Variants in TNFAIP8L3 observed in about 807,000 individuals in gnomAD.
The protein encoded by TNFAIP8L3 is tumor necrosis factor alpha-induced protein 8-like protein 3.
In TNFAIP8L3, 7 loss-of-function variants were observed where a neutral mutation model predicts 11.8. The observed-to-expected ratio is 0.59, with a 90% CI of 0.34 to 1.11. TNFAIP8L3 has a LOEUF of 1.11. Among genes scored for constraint, TNFAIP8L3 ranks in the 50% most tolerant of loss-of-function variants. The probability of loss-of-function intolerance (pLI) is 0.03; values close to 1 mark genes in which losing one functional copy is unlikely to be tolerated. For missense variants in TNFAIP8L3, 219 were observed against 258.6 expected (o/e 0.85, Z 1.05); for synonymous variants, 98 against 103.8 (o/e 0.94, Z 0.34).
intron 1 of TNFAIP8L3, among the ~76,000 whole-genome samples, chr15:51,078,683 G>C (rs905681625): frequency 6.6e-6 from 1 of 151,700 alleles, no homozygotes; most frequent in Admixed American, 6.6e-5. Flanking sequence ...ATTTCTCTCA[G>C]CTCCTTTCTC....
chr15:51,083,934 G>T (rs887362178), intron 1 of TNFAIP8L3, among the ~76,000 whole-genome samples: 1 of 152,266 alleles, frequency 6.6e-6, no homozygotes, highest in Non-Finnish European at 1.5e-5. Context: ...GCAGGAGGAT[G>T]AGCTGGGGAA....
chr15:51,060,672 G>C (rs138560357), intron 1 of TNFAIP8L3, among the ~76,000 whole-genome samples: 1 of 152,186 alleles, frequency 6.6e-6, no homozygotes, highest in Non-Finnish European at 1.5e-5. Context: ...AGGGAGTGCT[G>C]GTTCTGTGTC....
At chr15:51,090,010 C>T (rs929141906) in intron 1 of TNFAIP8L3, among the ~76,000 whole-genome samples, 14 of 152,188 alleles carry the variant, frequency 9.2e-5, no homozygotes, top group African/African-American at 2.7e-4. Flanking sequence ...CAATGAGAAT[C>T]AACAAACCCT....
rs1007008975 is a variant in TNFAIP8L3, at chr15:51,057,398, C to T, written c.*483G>A. On this transcript the variant is annotated 3_prime_UTR_variant, in exon 2 of 2. Coordinates refer to ENST00000637513, the MANE Select transcript of TNFAIP8L3 (RefSeq NM_001311175.2). The stretch of plus-strand genomic sequence containing the variant: ...GGTTTATCCCCTCACACTCAGAAGA[C>T]AAAATATTAAGACTTTAAATTAGAG... 6.5e-6 allele frequency: 1 copy of T among 154,232 alleles called. No individual in the cohort carries two copies. The highest frequency in any genetic ancestry group is 1.4e-5 in the Non-Finnish European group (1 of 69,390). 9.6% of individuals were successfully genotyped at this position (154,232 alleles called of 1,614,324 possible).
chr15:51,069,393 AGGAT>A (rs1174789845), intron 1 of TNFAIP8L3: 1 of 152,258 alleles, frequency 6.6e-6, no homozygotes. Context: ...CAGTCAAAAC[AGGAT>A]GCAATTTCAG....
upstream of TNFAIP8L3, among the ~76,000 whole-genome samples, chr15:51,099,258 C>G (rs575148897): frequency 2.0e-5 from 3 of 152,240 alleles, no homozygotes; most frequent in Non-Finnish European, 4.4e-5. Context: ...CTCTGCACAG[C>G]CCCATCCAAG....
At chr15:51,095,761 A>G (rs565879576), upstream of TNFAIP8L3, among the ~76,000 whole-genome samples, 2 of 152,252 alleles carry the variant, frequency 1.3e-5, no homozygotes, top group African/African-American at 4.8e-5. Flanking sequence ...TTGGTTATCT[A>G]TATGCTCTTA....
At chr15:51,087,244 T>C (rs2065435835) in intron 1 of TNFAIP8L3, among the ~76,000 whole-genome samples, 1 of 152,172 alleles carries the variant, frequency 6.6e-6, no homozygotes, top group African/African-American at 2.4e-5. Flanking sequence ...TTCTCAGTCT[T>C]ATCCAAAGGA....
rs1272194154 is a variant in TNFAIP8L3, at chr15:51,094,041, C to T, written c.52+503G>A. On this transcript the variant is annotated intron_variant, in intron 1 of 1. Coordinates refer to ENST00000637513, the MANE Select transcript of TNFAIP8L3 (RefSeq NM_001311175.2). The surrounding 1 kb of genome is among the most constrained non-coding windows in gnomAD (Gnocchi z 4.4). ...CCCTGTGCATGGGCTCTCCTAGCAG[C>T]CTCGGGAACCGCGGCCGCAAGCTGT... 3.3e-5 allele frequency among the ~76,000 whole-genome samples: 5 copies of T among 152,114 alleles called. No individual in the cohort carries two copies. Among genetic ancestry groups the T allele is most frequent in the Non-Finnish European group, 7.4e-5 (5 of 68,016 alleles).
At chr15:51,061,255 C>G (rs1234454022) in intron 1 of TNFAIP8L3, among the ~76,000 whole-genome samples, 2 of 152,228 alleles carry the variant, frequency 1.3e-5, no homozygotes, top group Non-Finnish European at 2.9e-5. Flanking sequence ...ATCCTCCTGT[C>G]TCAGCCCCAA....
chr15:51,072,139 C>T (rs1490961056), intron 1 of TNFAIP8L3, among the ~76,000 whole-genome samples: 1 of 148,806 alleles, frequency 6.7e-6, no homozygotes, highest in African/African-American at 2.4e-5. Flanking sequence ...TTTAATCATA[C>T]AGAAAGCTAT....
chr15:51,098,763 C>A (rs2065530471), upstream of TNFAIP8L3, among the ~76,000 whole-genome samples: 1 of 152,164 alleles, frequency 6.6e-6, no homozygotes, highest in Non-Finnish European at 1.5e-5. Context: ...GTACAGTATT[C>A]TGCTTTTGTA....
intron 1 of TNFAIP8L3, among the ~76,000 whole-genome samples, chr15:51,093,699 G>T (rs1254978493): frequency 6.6e-6 from 1 of 152,144 alleles, no homozygotes; most frequent in Non-Finnish European, 1.5e-5. Context: ...GAGGGCGAGC[G>T]GGTCCTAGGT....
chr15:51,092,611 CAAAT>C (rs1367529552), intron 1 of TNFAIP8L3, among the ~76,000 whole-genome samples: 1 of 152,204 alleles, frequency 6.6e-6, no homozygotes, highest in Non-Finnish European at 1.5e-5. Flanking sequence ...AAGGTGCAAA[CAAAT>C]AGTGACAGCT....
intron 1 of TNFAIP8L3, among the ~76,000 whole-genome samples, chr15:51,077,087 CTTTCCTTATCTGTGA>C (rs2065357478): frequency 6.6e-6 from 1 of 152,198 alleles, no homozygotes; most frequent in African/African-American, 2.4e-5. Flanking sequence ...GAGCCTCCAG[CTTTCCTTATCTGTGA>C]CTTCCCTCCA....
chr15:51,091,485 C>G (rs1294472511), intron 1 of TNFAIP8L3, among the ~76,000 whole-genome samples: 1 of 152,096 alleles, frequency 6.6e-6, no homozygotes, highest in Non-Finnish European at 1.5e-5. Flanking sequence ...CTTGAAGCAC[C>G]ATGAAAGAAG....
chr15:51,074,594 C>T (rs1320678461), intron 1 of TNFAIP8L3, among the ~76,000 whole-genome samples: 1 of 152,234 alleles, frequency 6.6e-6, no homozygotes. Context: ...TACCAGAGGC[C>T]TGCTTGCCCA....
At chr15:51,104,944 T>G in intron 1 of TNFAIP8L3, 1 of 1,608,638 alleles carries the variant, frequency 6.2e-7, no homozygotes. Flanking sequence ...CCTTGCATGC[T>G]TTGCACAAGC....
upstream of TNFAIP8L3, among the ~76,000 whole-genome samples, chr15:51,099,664 G>A (rs746463240): frequency 6.6e-6 from 1 of 152,148 alleles, no homozygotes; most frequent in Non-Finnish European, 1.5e-5. Flanking sequence ...CATGAGAGCT[G>A]TTCTTACAAG....
Sources: gnomAD v4.1 joint callset for allele counts (sites outside exome capture counted in the v4.1 genomes callset) on GRCh38, gnomAD v4.1.1 for gene constraint, Gnocchi (gnomAD v3.1) non-coding constraint, MANE v1.5 for transcripts, NCBI Gene and HGNC (gene_info 2026-07-23, HGNC 2026-07-21) for gene names.